The following SLF1 variants were observed in gnomAD, a reference collection of about 807,000 sequenced individuals.
The protein encoded by SLF1 is SMC5/6 complex localization factor 1, also known as SMC5-SMC6 complex localization factor protein 1.
A neutral mutation model predicts 123.0 loss-of-function variants in SLF1; 105 were observed. That is an observed-to-expected ratio of 0.85 (90% confidence interval 0.73 to 1.00). The LOEUF is 1.00. Among genes scored for constraint, SLF1 ranks in the 50% least tolerant of loss-of-function variants. The probability of loss-of-function intolerance (pLI) is 0.00; values close to 1 mark genes in which losing one functional copy is unlikely to be tolerated. For synonymous variants in SLF1, 434 were observed against 406.6 expected, an observed-to-expected ratio of 1.07 and a Z score of -0.81; for missense variants, 1,239 against 1,223.0, an observed-to-expected ratio of 1.01 and a Z score of -0.20.
intron 12 of SLF1, among the ~76,000 whole-genome samples, chr5:94,669,856 T>A (rs1394138029): frequency 6.6e-6 from 1 of 151,992 alleles, no homozygotes; most frequent in Non-Finnish European, 1.5e-5. Context: ...ATAATCTTTG[T>A]TCTCATCAGT....
At chr5:94,677,658 G>A (rs770828073) in intron 14 of SLF1, among the ~76,000 whole-genome samples, 3 of 152,016 alleles carry the variant, frequency 2.0e-5, no homozygotes, top group Non-Finnish European at 2.9e-5. Context: ...TATCCAACAT[G>A]CCTAGACAAC....
Position 94,653,309 on chromosome 5 carries a change from G to T in SLF1, c.920G>T (p.Ser307Ile), listed in dbSNP as rs2152480131. ...IKKKDEDIQRSYTLRRKRKKG... is the reference protein window; with the variant it reads ...IKKKDEDIQRIYTLRRKRKKG... ...AAAAAAGATGAAGATATTCAGAGGAGTTATACTTTGAGGAGAAAACGCAAG... is the reference window on the plus strand; with the variant it reads ...AAAAAAGATGAAGATATTCAGAGGATTTATACTTTGAGGAGAAAACGCAAG... The change falls in exon 8 of 21, where the codon AGT (serine) becomes ATT (isoleucine). Residue 307 changes from serine to isoleucine, a missense_variant. Physicochemically the swap from Ser to Ile is moderately radical, Grantham distance 142. Transcript: ENST00000265140. 2 of 1,531,044 alleles carry T rather than the reference G, an allele frequency of 1.3e-6. No homozygotes were observed. The highest frequency in any genetic ancestry group is 2.5e-5 in the South Asian group (2 of 79,918). 94.8% of individuals were successfully genotyped at this position (1,531,044 alleles called of 1,614,324 possible).
intron 1 of SLF1, among the ~76,000 whole-genome samples, chr5:94,620,666 A>G (rs773240699): frequency 2.6e-5 from 4 of 152,202 alleles, no homozygotes; most frequent in Admixed American, 6.5e-5. Context: ...AACAAAACGA[A>G]TTCTCTCAAG....
At chr5:94,660,904 T>C (rs575187425) in intron 9 of SLF1, among the ~76,000 whole-genome samples, 5 of 152,168 alleles carry the variant, frequency 3.3e-5, no homozygotes. Context: ...CTCCACCTCC[T>C]ACTCCTTAGG....
Position 94,663,865 on chromosome 5 carries a change from C to T in SLF1, c.1325C>T (p.Pro442Leu). Reference protein sequence around the residue: ...ELSTLQAHYIPPVCVLHALLE... With the variant: ...ELSTLQAHYILPVCVLHALLE... Reference sequence around the variant, plus strand: ...TCCACTTTGCAGGCACATTATATCCCTCCTGTATGCGTTCTTCATGCCCTT... The same window carrying T: ...TCCACTTTGCAGGCACATTATATCCTTCCTGTATGCGTTCTTCATGCCCTT... Residue 442 changes from proline (P) to leucine (L), a missense_variant, in exon 11 of 21, where the codon CCT (proline) becomes CTT (leucine). Pro to Leu is a moderately conservative substitution (Grantham distance 98, BLOSUM62 -3). Transcript: ENST00000265140. The T allele has an allele frequency of 1.9e-6, 3 of 1,548,018 alleles. No homozygotes were observed. The highest frequency in any genetic ancestry group is 2.4e-5 in the East Asian group (1 of 40,832).
In SLF1 at chr5:94,665,899, A is replaced by T. The variant is rs972509226; in HGVS notation, c.1407A>T (p.Ile469=). Reference sequence around the variant, plus strand: ...CATTTTCTGGTCGATACTTTCATATATTGTCAGCTCTTCTTCACCTGCATC... The same window carrying T: ...CATTTTCTGGTCGATACTTTCATATTTTGTCAGCTCTTCTTCACCTGCATC... ...IDTFSGRYFH[I]LSALLHLHPP... The change falls in exon 12 of 21, where the codon ATA becomes ATT. Residue 469 remains isoleucine (I), a synonymous_variant. Transcript: ENST00000265140. 14 of 1,549,106 alleles carry T rather than the reference A, an allele frequency of 9.0e-6. No individual in the cohort carries two copies. Among genetic ancestry groups the T allele is most frequent in the African/African-American group, 2.7e-5 (2 of 72,988 alleles).
At chr5:94,691,700 T>G in intron 19 of SLF1, 44 bp downstream of exon 19, 1 of 1,412,854 alleles carries the variant, frequency 7.1e-7, no homozygotes, top group Non-Finnish European at 9.7e-7. Flanking sequence ...TCTTAATATT[T>G]GTGATATTAA....
chr5:94,667,484 C>T (rs139918966), intron 12 of SLF1, among the ~76,000 whole-genome samples: 1 of 152,156 alleles, frequency 6.6e-6, no homozygotes, highest in Non-Finnish European at 1.5e-5. Flanking sequence ...ATTTTTCTTC[C>T]AAAGTACCCC....
chr5:94,662,352 G>C lies in SLF1; in HGVS notation c.1209+1G>C. 1 of 1,546,044 alleles carries C rather than the reference G, an allele frequency of 6.5e-7. No individual in the cohort carries two copies. The highest frequency in any genetic ancestry group is 8.7e-7 in the Non-Finnish European group (1 of 1,144,046). On this transcript the variant is annotated splice_donor_variant, in intron 10 of 20. Coordinates refer to ENST00000265140, the MANE Select transcript of SLF1 (RefSeq NM_032290.4). LOFTEE classifies it high-confidence loss of function. ...TAAACAACCAGTGTACAACGTAGAG[G>C]TAAGGGGCTTGGAGCAGCATTGGTG... is the stretch of plus-strand genomic sequence containing the variant.
chr5:94,685,079 C>A (rs958931223), intron 15 of SLF1, among the ~76,000 whole-genome samples: 2 of 152,192 alleles, frequency 1.3e-5, no homozygotes, highest in South Asian at 4.1e-4. Flanking sequence ...TTTACTTCTC[C>A]CATCCACTAT....
intron 6 of SLF1, among the ~76,000 whole-genome samples, chr5:94,650,644 T>C (rs1415557017): frequency 6.6e-6 from 1 of 152,088 alleles, no homozygotes; most frequent in East Asian, 1.9e-4. Flanking sequence ...GATTACATAG[T>C]TCCTTAAGAA....
In SLF1 at chr5:94,679,082, C is replaced by T. The variant is rs371165187; in HGVS notation, c.1975+127C>T. On this transcript the variant is annotated intron_variant, in intron 15 of 20. Transcript: ENST00000265140. ...TTTCCTTAAAATAGTTATGGATGCA[C>T]GCACACATAGATTCACACACACAGA... 104 of 1,006,268 alleles carry T rather than the reference C, an allele frequency of 1.0e-4. No homozygotes were observed. The South Asian group carries it at 1.2e-3, about 12-fold the overall frequency. The allele number at this position is 1,006,268 out of a possible 1,614,324, so 62.3% of individuals were successfully genotyped here. A position where few individuals can be genotyped will look rare whatever the true frequency, so the allele number is the denominator to read the frequency against.
intron 14 of SLF1, among the ~76,000 whole-genome samples, chr5:94,677,122 T>G (rs1181749610): frequency 6.6e-6 from 1 of 152,196 alleles, no homozygotes; most frequent in Non-Finnish European, 1.5e-5. Flanking sequence ...TTAGTTTAGA[T>G]TATAGTATAA....
At position 94,686,696 on chromosome 5, in the gene SLF1, A is replaced by G. The variant is rs753742874; in HGVS notation, c.2099A>G (p.Glu700Gly). Residue 700 changes from glutamate (E) to glycine (G), a missense_variant, in exon 16 of 21, where the codon GAG (glutamate) becomes GGG (glycine). Transcript: ENST00000265140. Reference protein sequence around the residue: ...CLQSSGSVSSEPLSLQKMVYS... With the variant: ...CLQSSGSVSSGPLSLQKMVYS... ...CAGAGCTCTGGCAGTGTTTCTTCTG[A>G]GCCACTCTCTCTTCAGAAAATGGTA... 46 of 1,613,868 alleles carry G rather than the reference A, an allele frequency of 2.9e-5. No homozygotes were observed. The highest frequency in any genetic ancestry group is 3.8e-5 in the Non-Finnish European group (45 of 1,179,956).
In SLF1 at chr5:94,654,725, C is replaced by T. The variant is rs1434518630; in HGVS notation, c.1128C>T (p.Thr376=). 1.9e-6 allele frequency: 3 copies of T among 1,539,368 alleles called. No homozygotes were observed. Among genetic ancestry groups the T allele is most frequent in the Non-Finnish European group, 2.6e-6 (3 of 1,140,776 alleles). The change falls in exon 9 of 21, where the codon ACC becomes ACT. Residue 376 remains threonine (T), a synonymous_variant. Transcript: ENST00000265140. ...TDVDVVEIKN[T]LRKHIYRAQA... ...TGGATGTTGTTGAAATAAAAAATAC[C>T]TTAAGGAAGCACATATATAGAGCTC...
chr5:94,631,253 C>T (rs1444635145), intron 4 of SLF1, among the ~76,000 whole-genome samples: 1 of 151,304 alleles, frequency 6.6e-6, no homozygotes, highest in Non-Finnish European at 1.5e-5. Context: ...GTTTTTGTCT[C>T]TTAGTTAAAT....
chr5:94,640,882 C>G (rs1036876238), intron 4 of SLF1, among the ~76,000 whole-genome samples: 1 of 152,192 alleles, frequency 6.6e-6, no homozygotes, highest in African/African-American at 2.4e-5. Flanking sequence ...TTTAACACAT[C>G]AGTCACAGTT....
chr5:94,693,861 T>G lies in SLF1; in HGVS notation c.2696-970T>G, dbSNP rs568623235. Among the ~76,000 whole-genome samples the G allele has an allele frequency of 4.1e-4, 62 of 151,908 alleles. 1 individual carries two copies. The South Asian group carries it at 8.3e-3, about 20-fold the overall frequency. ...TTAGAATTATCTTCTTTCCATAAAT[T>G]ATACATTAATCATATTATCAATGGT... is the stretch of plus-strand genomic sequence containing the variant. On this transcript the variant is annotated intron_variant, in intron 20 of 20. Coordinates refer to ENST00000265140, the MANE Select transcript of SLF1 (RefSeq NM_032290.4).
intron 9 of SLF1, 135 bp downstream of exon 9, chr5:94,654,887 A>G (rs1748194378): frequency 1.6e-6 from 1 of 645,106 alleles, no homozygotes; most frequent in South Asian, 4.5e-5. Context: ...TTCTTAGTTT[A>G]TTAGTCTATT....
Sources: gnomAD v4.1 joint callset for allele counts (sites outside exome capture counted in the v4.1 genomes callset) on GRCh38, gnomAD v4.1.1 for gene constraint, MANE v1.5 for transcripts, NCBI Gene and HGNC (gene_info 2026-07-23, HGNC 2026-07-21) for gene names.